NSUN6: variants seen among roughly 807,000 people sequenced by gnomAD.
NSUN6 encodes the protein tRNA (cytosine(72)-C(5))-methyltransferase NSUN6.
In NSUN6, 64 loss-of-function variants were observed where a neutral mutation model predicts 58.0. The observed-to-expected ratio is 1.10, with a 90% CI of 0.90 to 1.36. The LOEUF is 1.36. NSUN6 is among the 40% of genes most tolerant of loss of function. NSUN6 has a pLI of 0.00. For missense variants in NSUN6, 701 were observed against 550.1 expected (o/e 1.27, Z -2.74); for synonymous variants, 231 against 193.9 (o/e 1.19, Z -1.59).
intron 8 of NSUN6, among the ~76,000 whole-genome samples, chr10:18,558,201 A>G (rs1003106889): frequency 4.6e-5 from 7 of 150,942 alleles, no homozygotes; most frequent in African/African-American, 1.7e-4. Context: ...GTGGAATGCA[A>G]TGGAGAATGG....
intron 3 of NSUN6, among the ~76,000 whole-genome samples, chr10:18,628,485 G>A (rs1167606112): frequency 1.3e-5 from 2 of 152,136 alleles, no homozygotes; most frequent in Non-Finnish European, 2.9e-5. Context: ...CAAACCAAAG[G>A]CATTGAAGTT....
intron 3 of NSUN6, among the ~76,000 whole-genome samples, chr10:18,636,827 T>C (rs1439387159): frequency 6.6e-6 from 1 of 151,324 alleles, no homozygotes; most frequent in African/African-American, 2.4e-5. Flanking sequence ...AGGCGGAGCT[T>C]ACAATGAACC....
chr10:18,573,032 A>T (rs1267492943), intron 8 of NSUN6, among the ~76,000 whole-genome samples: 2 of 139,824 alleles, frequency 1.4e-5, no homozygotes, highest in Non-Finnish European at 3.0e-5. Flanking sequence ...TCCATTCTTC[A>T]TTCCATTCCA....
In NSUN6 at chr10:18,574,873, C is replaced by T. The variant is rs756224142; in HGVS notation, c.922+11076G>A. Among the ~76,000 whole-genome samples the T allele has an allele frequency of 1.3e-4, 20 of 152,162 alleles. No individual in the cohort carries two copies. In the Middle Eastern group the frequency reaches 0.017, roughly 129 times the overall value. ...AGGAAACAACTATTGTCCATGTTTC[C>T]GGACACCAGAAAAGCCTTTCTTTTG... On this transcript the variant is annotated intron_variant, in intron 8 of 10. Transcript: ENST00000377304.
intron 3 of NSUN6, among the ~76,000 whole-genome samples, chr10:18,627,826 G>T (rs2058874677): frequency 6.6e-6 from 1 of 152,232 alleles, no homozygotes; most frequent in African/African-American, 2.4e-5. Flanking sequence ...CAGCCAGGCT[G>T]GGGGAGGGGC....
chr10:18,557,670 TGGAAA>T (rs1186348529), intron 8 of NSUN6, among the ~76,000 whole-genome samples: 2 of 144,652 alleles, frequency 1.4e-5, no homozygotes, highest in East Asian at 2.1e-4. Context: ...GAGAATGGAA[TGGAAA>T]GGAGGATGGA....
chr10:18,625,105 A>G (rs184985891), intron 3 of NSUN6, among the ~76,000 whole-genome samples: 40 of 152,298 alleles, frequency 2.6e-4, no homozygotes, highest in African/African-American at 9.6e-4. Context: ...TCACTGAGAC[A>G]GCCTGTGTTT....
intron 8 of NSUN6, among the ~76,000 whole-genome samples, chr10:18,569,694 C>T (rs1244816511): frequency 6.6e-6 from 1 of 150,800 alleles, no homozygotes; most frequent in Admixed American, 6.7e-5. Flanking sequence ...TTCCTTTCTC[C>T]ATTCCACTCT....
chr10:18,638,585 A>C (rs1020516537), intron 3 of NSUN6, among the ~76,000 whole-genome samples: 3 of 152,204 alleles, frequency 2.0e-5, no homozygotes, highest in African/African-American at 7.2e-5. Flanking sequence ...CAAGGAGGAA[A>C]AGTTTTTGGT....
Position 18,551,964 on chromosome 10 carries a change from A to G in NSUN6, c.930T>C (p.Pro310=), listed in dbSNP as rs371053585. The G allele has an allele frequency of 1.3e-6, 2 of 1,597,502 alleles. No homozygotes were observed. Among genetic ancestry groups the G allele is most frequent in the South Asian group, 2.2e-5 (2 of 89,824 alleles). The part of the protein sequence containing the change: ...LDMVEDTEGE[P]PFLPESFDRI... ...GGTCAAAGGATTCTGGTAGAAATGGAGGTTCTCCTATAAAGAGAATTATAA... is the reference window on the plus strand; with the variant it reads ...GGTCAAAGGATTCTGGTAGAAATGGGGGTTCTCCTATAAAGAGAATTATAA... Residue 310 remains proline, a synonymous_variant, in exon 9 of 11, where the codon CCT becomes CCC. Transcript: ENST00000377304.
At chr10:18,647,495 G>C (rs2059578918) in intron 2 of NSUN6, among the ~76,000 whole-genome samples, 1 of 152,098 alleles carries the variant, frequency 6.6e-6, no homozygotes, top group South Asian at 2.1e-4. Flanking sequence ...AAAAGCAAAA[G>C]AGTATATACA....
In NSUN6 at chr10:18,614,587, C is replaced by A; in HGVS notation, c.448G>T (p.Val150Leu). Residue 150 changes from valine to leucine, a missense_variant, in exon 5 of 11, where the codon GTA (valine) becomes TTA (leucine). Val to Leu is a conservative substitution (Grantham distance 32). Coordinates refer to ENST00000377304, the MANE Select transcript of NSUN6 (RefSeq NM_182543.5). Reference protein sequence around the residue: ...QFMKAGDVISVYSDIKGKCKK... With the variant: ...QFMKAGDVISLYSDIKGKCKK... The stretch of plus-strand genomic sequence containing the variant: ...CATTTTCCTTTAATATCAGAGTATA[C>A]AGAAATAACATCTCCAGCTTTCATA... 2.1e-6 allele frequency: 3 copies of A among 1,451,852 alleles called. No individual in the cohort carries two copies. Among genetic ancestry groups the A allele is most frequent in the Non-Finnish European group, 1.9e-6 (2 of 1,074,872 alleles). 89.9% of individuals were successfully genotyped at this position (1,451,852 alleles called of 1,614,324 possible). A position where few individuals can be genotyped will look rare whatever the true frequency, so the allele number is the denominator to read the frequency against.
At chr10:18,626,031 A>T (rs80135196) in intron 3 of NSUN6, among the ~76,000 whole-genome samples, 1 of 152,150 alleles carries the variant, frequency 6.6e-6, no homozygotes, top group Admixed American at 6.6e-5. Context: ...TTCTCAATCA[A>T]GAAAGTAACG....
chr10:18,555,085 T>C (rs11014860), intron 8 of NSUN6, among the ~76,000 whole-genome samples: 52,563 of 148,368 alleles, frequency 0.35, 9,751 homozygotes, highest in East Asian at 0.74. Context: ...TAGAAAGGAA[T>C]AGAGAATGGA....
Position 18,614,483 on chromosome 10 carries a change from G to T in NSUN6, c.552C>A (p.Ile184=). 6.4e-7 allele frequency: 1 copy of T among 1,551,812 alleles called. No homozygotes were observed. Among genetic ancestry groups the T allele is most frequent in the Non-Finnish European group, 8.7e-7 (1 of 1,153,308 alleles). ...NGISELSRKE[I]FSGLPELKGM... Reference sequence around the variant, plus strand: ...ACTTCAGTTCAGGTAATCCACTGAAGATTTCTTTGCGGCTTAGTTCAGAAA... The same window carrying T: ...ACTTCAGTTCAGGTAATCCACTGAATATTTCTTTGCGGCTTAGTTCAGAAA... The change falls in exon 5 of 11, where the codon ATC becomes ATA. Residue 184 remains isoleucine, a synonymous_variant. Transcript: ENST00000377304.
intron 4 of NSUN6, among the ~76,000 whole-genome samples, chr10:18,615,501 T>C (rs2058378355): frequency 6.6e-6 from 1 of 152,218 alleles, no homozygotes; most frequent in African/African-American, 2.4e-5. Context: ...TTCTTCTTTA[T>C]ATGTGTATCT....
chr10:18,548,309 A>C, intron 9 of NSUN6, 72 bp from the exon 10 acceptor site: 1 of 1,301,548 alleles, frequency 7.7e-7, no homozygotes, highest in Non-Finnish European at 1.1e-6. Flanking sequence ...TCAAAGCAAA[A>C]GGTATAATGT....
Position 18,548,184 on chromosome 10 carries a change from T to C in NSUN6, c.1125A>G (p.Ile375Met), listed in dbSNP as rs763700387. The C allele has an allele frequency of 2.5e-6, 4 of 1,613,818 alleles. No individual in the cohort carries two copies. Among genetic ancestry groups the C allele is most frequent in the Non-Finnish European group, 2.5e-6 (3 of 1,179,820 alleles). Residue 375 changes from isoleucine to methionine, a missense_variant, in exon 10 of 11, where the codon ATA becomes ATG. Coordinates refer to ENST00000377304, the MANE Select transcript of NSUN6 (RefSeq NM_182543.5). ...EGVLVYSTCT[I>M]TLAENEEQVA... is the part of the protein sequence containing the mutation. Reference sequence around the variant, plus strand: ...CCTGTTCTTCATTTTCGGCCAGTGTTATAGTGCACGTGCTATAAACCAGCA... The same window carrying C: ...CCTGTTCTTCATTTTCGGCCAGTGTCATAGTGCACGTGCTATAAACCAGCA...
At chr10:18,554,098 A>C (rs972879117) in intron 8 of NSUN6, among the ~76,000 whole-genome samples, 1 of 151,618 alleles carries the variant, frequency 6.6e-6, no homozygotes, top group East Asian at 1.9e-4. Context: ...ACTGGAATGG[A>C]ATGGACAGGA....
Sources: allele counts gnomAD v4.1 joint callset (sites outside exome capture counted in the v4.1 genomes callset), GRCh38; gene constraint gnomAD v4.1.1; transcripts MANE v1.5; gene names NCBI Gene and HGNC (gene_info 2026-07-23, HGNC 2026-07-21).